EPHB2: variants seen among roughly 807,000 people sequenced by gnomAD.
EPHB2 encodes EPH receptor B2, also known as ephrin type-B receptor 2.
A neutral mutation model predicts 96.4 loss-of-function variants in EPHB2; 18 were observed. The ratio of observed to expected loss-of-function variants is 0.19; its 90% CI spans 0.13 to 0.28. The LOEUF (loss-of-function observed/expected upper bound fraction) is 0.28, where lower values mean the gene tolerates loss of function less well. EPHB2 is among the 10% of genes least tolerant of loss of function. The probability of loss-of-function intolerance (pLI) is 1.00; values close to 1 mark genes in which losing one functional copy is unlikely to be tolerated. For synonymous variants in EPHB2, 506 were observed against 534.1 expected (o/e 0.95, Z 0.72); for missense variants, 989 against 1,355.4 (o/e 0.73, Z 4.25).
At chr1:22,829,495 T>C (rs1645272594) in intron 3 of EPHB2, among the ~76,000 whole-genome samples, 1 of 152,222 alleles carries the variant, frequency 6.6e-6, no homozygotes, top group South Asian at 2.1e-4. Flanking sequence ...TCCCTACAAC[T>C]GGCCTTGACC....
At chr1:22,809,897 T>C (rs1440577) in intron 3 of EPHB2, among the ~76,000 whole-genome samples, 18,154 of 152,210 alleles carry the variant, frequency 0.12, 3,509 homozygotes, top group African/African-American at 0.41. Context: ...AAGATATATG[T>C]TGGCCAATAT....
At chr1:22,718,964 A>C (rs1045403169) in intron 1 of EPHB2, among the ~76,000 whole-genome samples, 1 of 152,150 alleles carries the variant, frequency 6.6e-6, no homozygotes, top group African/African-American at 2.4e-5. Flanking sequence ...AGGGTCTCTA[A>C]GGCAGCTGTC....
At chr1:22,893,162 G>T in intron 7 of EPHB2, 116 bp downstream of exon 7, 1 of 1,509,248 alleles carries the variant, frequency 6.6e-7, no homozygotes, top group East Asian at 2.3e-5. Flanking sequence ...CTCCCTTCTA[G>T]ATGTCAGCCC....
chr1:22,828,951 C>G (rs776617241), intron 3 of EPHB2, among the ~76,000 whole-genome samples: 2 of 152,186 alleles, frequency 1.3e-5, no homozygotes, highest in Non-Finnish European at 2.9e-5. Context: ...TAAACACACA[C>G]GCATAGAATA....
chr1:22,831,643 A>G (rs1645305591), intron 3 of EPHB2, among the ~76,000 whole-genome samples: 1 of 152,048 alleles, frequency 6.6e-6, no homozygotes, highest in Non-Finnish European at 1.5e-5. Flanking sequence ...CCTTAACACC[A>G]TGCCACACTG....
intron 1 of EPHB2, among the ~76,000 whole-genome samples, chr1:22,720,660 T>TCCCCA (rs1643433106): frequency 5.2e-5 from 3 of 57,400 alleles, no homozygotes; most frequent in African/African-American, 6.2e-5. Context: ...GAAATCTCAT[T>TCCCCA]CCCCCCCCCC....
intron 3 of EPHB2, among the ~76,000 whole-genome samples, chr1:22,829,382 G>C (rs958490672): frequency 6.6e-6 from 1 of 152,220 alleles, no homozygotes; most frequent in Non-Finnish European, 1.5e-5. Context: ...TCAGCTTCCA[G>C]CTTATGGGCA....
At chr1:22,839,757 A>G (rs1645439251) in intron 3 of EPHB2, among the ~76,000 whole-genome samples, 1 of 152,200 alleles carries the variant, frequency 6.6e-6, no homozygotes, top group Non-Finnish European at 1.5e-5. Context: ...CAGGGCCACC[A>G]ACCCTGGTGA....
At chr1:22,905,357 G>A (rs901310949) in intron 9 of EPHB2, among the ~76,000 whole-genome samples, 1 of 152,172 alleles carries the variant, frequency 6.6e-6, no homozygotes. Flanking sequence ...GCTAGAGGGG[G>A]ACCTGGGAGG....
intron 1 of EPHB2, among the ~76,000 whole-genome samples, chr1:22,763,318 G>A (rs1384615903): frequency 6.6e-6 from 1 of 152,148 alleles, no homozygotes; most frequent in African/African-American, 2.4e-5. Flanking sequence ...TTTGGTAGGT[G>A]GAAAACACTA....
chr1:22,864,451 T>A (rs1239101959), intron 4 of EPHB2, among the ~76,000 whole-genome samples: 1 of 152,184 alleles, frequency 6.6e-6, no homozygotes, highest in Non-Finnish European at 1.5e-5. Flanking sequence ...GCCATAGCTG[T>A]CTGTCTCTTT....
intron 1 of EPHB2, among the ~76,000 whole-genome samples, chr1:22,755,972 C>T (rs944581686): frequency 1.3e-5 from 2 of 152,156 alleles, no homozygotes; most frequent in African/African-American, 2.4e-5. Flanking sequence ...CTGTCATTGA[C>T]GAACCCAGGG....
chr1:22,711,221 C>T (rs1643129725), intron 1 of EPHB2, among the ~76,000 whole-genome samples, 178 bp downstream of exon 1: 1 of 146,400 alleles, frequency 6.8e-6, no homozygotes, highest in Admixed American at 6.8e-5. Context: ...CCGCGGGCGC[C>T]CGGGGAGCGG....
chr1:22,890,541 G>T (rs1306702272), intron 6 of EPHB2, among the ~76,000 whole-genome samples: 1 of 152,000 alleles, frequency 6.6e-6, no homozygotes, highest in African/African-American at 2.4e-5. Flanking sequence ...TGTCTGGGTG[G>T]TTCCTGTTTG....
At chr1:22,799,229 T>C (rs1644808754) in intron 3 of EPHB2, among the ~76,000 whole-genome samples, 1 of 152,080 alleles carries the variant, frequency 6.6e-6, no homozygotes, top group African/African-American at 2.4e-5. Context: ...TTCTACCTGG[T>C]CCTTGTGGCA....
intron 1 of EPHB2, among the ~76,000 whole-genome samples, chr1:22,713,673 G>A (rs1012676956): frequency 1.3e-5 from 2 of 152,174 alleles, no homozygotes; most frequent in African/African-American, 2.4e-5. Context: ...GGAGCAGTAG[G>A]AGGGTGGCCC....
chr1:22,711,259 A>C (rs1157671762), intron 1 of EPHB2, among the ~76,000 whole-genome samples: 1 of 146,652 alleles, frequency 6.8e-6, no homozygotes, highest in Non-Finnish European at 1.5e-5. Flanking sequence ...TGCCAGGAGG[A>C]GGCGAAGGGA....
At chr1:22,845,144 C>T (rs1329736054) in intron 3 of EPHB2, among the ~76,000 whole-genome samples, 2 of 152,182 alleles carry the variant, frequency 1.3e-5, no homozygotes, top group African/African-American at 4.8e-5. Flanking sequence ...ACATGGTGTC[C>T]AGCTCAATTT....
At chr1:22,845,240 A>G (rs926325209) in intron 3 of EPHB2, among the ~76,000 whole-genome samples, 2 of 152,222 alleles carry the variant, frequency 1.3e-5, no homozygotes, top group East Asian at 3.8e-4. Context: ...AAGTGGGGAT[A>G]ATTATAGTAT....
Sources: gnomAD v4.1 joint callset for allele counts (sites outside exome capture counted in the v4.1 genomes callset) on GRCh38, gnomAD v4.1.1 for gene constraint, MANE v1.5 for transcripts, NCBI Gene and HGNC (gene_info 2026-07-23, HGNC 2026-07-21) for gene names.